The following PCLO variants were observed in gnomAD, a reference collection of about 807,000 sequenced individuals.
PCLO encodes the protein protein piccolo.
A neutral mutation model predicts 427.5 loss-of-function variants in PCLO; 82 were observed. The ratio of observed to expected loss-of-function variants is 0.19; its 90% CI spans 0.16 to 0.23. PCLO has a LOEUF of 0.23. Ranked by LOEUF, PCLO falls within the 10% of genes least tolerant of loss-of-function variation. The pLI is 1.00. For synonymous variants in PCLO, 2,357 were observed against 2,155.4 expected (o/e 1.09, Z -2.59); for missense variants, 6,239 against 6,115.9 (o/e 1.02, Z -0.67).
chr7:82,941,487 G>C (rs569081198), intron 6 of PCLO, among the ~76,000 whole-genome samples: 1 of 152,126 alleles, frequency 6.6e-6, no homozygotes, highest in Non-Finnish European at 1.5e-5. Flanking sequence ...GTAGGTACAG[G>C]TGTGCAAAGG....
chr7:83,161,852 G>A (rs1792445202), intron 1 of PCLO, among the ~76,000 whole-genome samples: 1 of 152,148 alleles, frequency 6.6e-6, no homozygotes, highest in Admixed American at 6.6e-5. Flanking sequence ...GCTCTCCTCT[G>A]GGGGTGGGGT....
chr7:82,915,094 C>G lies in PCLO; in HGVS notation c.12892G>C (p.Val4298Leu). The part of the protein sequence containing the change: ...RSRPSSRPSS[V>L]YGLDLSIKRD... ...TTAATTGATAAATCAAGCCCATAGA[C>G]AGAGGAAGGTCTGGAGGAAGGTCTG... Residue 4298 changes from valine to leucine, a missense_variant, in exon 7 of 25, where the codon GTC (valine) becomes CTC (leucine). Physicochemically the swap from Val to Leu is conservative, Grantham distance 32. Transcript: ENST00000333891. 6.2e-7 allele frequency: 1 copy of G among 1,600,816 alleles called. No individual in the cohort carries two copies. The highest frequency in any genetic ancestry group is 8.5e-7 in the Non-Finnish European group (1 of 1,173,048).
chr7:82,877,269 A>AT (rs1276408980), intron 10 of PCLO, among the ~76,000 whole-genome samples: 22 of 152,072 alleles, frequency 1.4e-4, no homozygotes, highest in Admixed American at 1.4e-3. Context: ...GTATTTGTTG[A>AT]TTTTCATGGT....
At chr7:83,060,040 T>C (rs149154839) in intron 3 of PCLO, among the ~76,000 whole-genome samples, 12 of 152,306 alleles carry the variant, frequency 7.9e-5, no homozygotes, top group Non-Finnish European at 1.3e-4. Context: ...ATGTTTCCTA[T>C]GGCAAGAAAA....
At chr7:82,858,584 A>C (rs1235209227) in intron 10 of PCLO, among the ~76,000 whole-genome samples, 3 of 152,182 alleles carry the variant, frequency 2.0e-5, no homozygotes, top group Non-Finnish European at 4.4e-5. Context: ...TGTTATAATT[A>C]ATAAACAAAT....
chr7:82,846,288 G>T (rs1473284070), intron 12 of PCLO, among the ~76,000 whole-genome samples: 2 of 152,194 alleles, frequency 1.3e-5, no homozygotes, highest in African/African-American at 2.4e-5. Context: ...CATATTTAAA[G>T]AATTAAAACT....
chr7:82,977,191 T>G (rs1307950620), intron 3 of PCLO, among the ~76,000 whole-genome samples: 2 of 152,064 alleles, frequency 1.3e-5, no homozygotes, highest in African/African-American at 4.8e-5. Flanking sequence ...CTATTATATA[T>G]CCTCCAAGAA....
intron 22 of PCLO, among the ~76,000 whole-genome samples, chr7:82,785,668 A>T (rs1294443032): frequency 6.6e-6 from 1 of 152,040 alleles, no homozygotes; most frequent in African/African-American, 2.4e-5. Flanking sequence ...CCAGATGGAG[A>T]GCGCCCACAG....
At chr7:83,053,101 C>T (rs187206663) in intron 3 of PCLO, among the ~76,000 whole-genome samples, 3 of 152,064 alleles carry the variant, frequency 2.0e-5, no homozygotes, top group African/African-American at 2.4e-5. Flanking sequence ...TACAGATTTA[C>T]GTACAGTATT....
At chr7:83,150,708 C>CA (rs1242205290) in intron 2 of PCLO, among the ~76,000 whole-genome samples, 6 of 151,944 alleles carry the variant, frequency 3.9e-5, no homozygotes, top group Admixed American at 1.3e-4. Flanking sequence ...AGATTGGTAA[C>CA]AAAAAATATT....
intron 3 of PCLO, among the ~76,000 whole-genome samples, chr7:83,084,735 T>C (rs1044107061): frequency 1.3e-5 from 2 of 152,312 alleles, no homozygotes; most frequent in Admixed American, 6.5e-5. Context: ...AACAAAGAAA[T>C]TTTAAGAGAT....
At chr7:82,892,455 A>G (rs961695824) in intron 9 of PCLO, among the ~76,000 whole-genome samples, 3 of 152,156 alleles carry the variant, frequency 2.0e-5, no homozygotes, top group African/African-American at 7.2e-5. Context: ...TGCATGTTAG[A>G]CCTAAAACCA....
At chr7:82,994,617 G>GTATT (rs1796452349) in intron 3 of PCLO, among the ~76,000 whole-genome samples, 1 of 150,040 alleles carries the variant, frequency 6.7e-6, no homozygotes, top group Non-Finnish European at 1.5e-5. Context: ...TTCATAGTAG[G>GTATT]TATATATATA....
intron 10 of PCLO, among the ~76,000 whole-genome samples, chr7:82,850,823 G>C (rs1252707995): frequency 6.6e-6 from 1 of 152,064 alleles, no homozygotes; most frequent in Non-Finnish European, 1.5e-5. Context: ...AAAAATGATA[G>C]TCTACTAGAA....
chr7:82,877,948 TG>T (rs1793414436), intron 10 of PCLO, among the ~76,000 whole-genome samples: 1 of 152,136 alleles, frequency 6.6e-6, no homozygotes, highest in South Asian at 2.1e-4. Flanking sequence ...CCTCCCAAAG[TG>T]GGATTACAGG....
intron 3 of PCLO, among the ~76,000 whole-genome samples, chr7:83,120,839 G>GAAAACTTAAAA (rs1378857803): frequency 6.6e-6 from 1 of 152,098 alleles, no homozygotes; most frequent in Non-Finnish European, 1.5e-5. Flanking sequence ...AATCCTAAAA[G>GAAAACTTAAAA]GAGTTCATCA....
Position 83,135,471 on chromosome 7 carries a change from A to T in PCLO, c.2079T>A (p.Asp693Glu), listed in dbSNP as rs1791701784. 1 of 1,613,486 alleles carries T rather than the reference A, an allele frequency of 6.2e-7. No homozygotes were observed. The highest frequency in any genetic ancestry group is 1.7e-5 in the Admixed American group (1 of 59,974). ...SPKKDAAPKQ[D>E]LSKAPEPKKP... is the part of the protein sequence containing the mutation. ...TTTTAGGCTCAGGTGCCTTGGAGAG[A>T]TCCTGTTTTGGTGCAGCATCCTTCT... Residue 693 changes from aspartate (D) to glutamate (E), a missense_variant, in exon 3 of 25, where the codon GAT becomes GAA. Physicochemically the swap from Asp to Glu is conservative, Grantham distance 45. Transcript: ENST00000333891.
At chr7:83,117,237 C>T (rs1195925733) in intron 3 of PCLO, among the ~76,000 whole-genome samples, 2 of 152,080 alleles carry the variant, frequency 1.3e-5, no homozygotes, top group Admixed American at 6.6e-5. Context: ...AGAAGTAGTC[C>T]TTCTTCAGAA....
chr7:82,797,814 C>T (rs1274988120), intron 22 of PCLO, among the ~76,000 whole-genome samples: 4 of 152,094 alleles, frequency 2.6e-5, no homozygotes, highest in Non-Finnish European at 5.9e-5. Flanking sequence ...TTGAACTAAT[C>T]TCATGCTGGG....
Sources: allele counts gnomAD v4.1 joint callset (sites outside exome capture counted in the v4.1 genomes callset), GRCh38; gene constraint gnomAD v4.1.1; transcripts MANE v1.5; gene names NCBI Gene and HGNC (gene_info 2026-07-23, HGNC 2026-07-21).